The following TNMD variants were observed in gnomAD, a reference collection of about 807,000 sequenced individuals.
TNMD encodes the protein tenomodulin.
TNMD carries 15 observed loss-of-function variants against 26.9 expected under a neutral mutation model. The observed-to-expected ratio is 0.56, with a 90% CI of 0.37 to 0.86. TNMD has a LOEUF of 0.86. Among genes scored for constraint, TNMD ranks in the 40% least tolerant of loss-of-function variants. The pLI, the probability that TNMD is intolerant of heterozygous loss-of-function variation, is 0.00. For synonymous variants in TNMD, 73 were observed against 77.0 expected, an observed-to-expected ratio of 0.95 and a Z score of 0.27; for missense variants, 222 against 242.6, an observed-to-expected ratio of 0.92 and a Z score of 0.56.
At chrX:100,598,511 G>T (rs1315639165) in intron 5 of TNMD, among the ~76,000 whole-genome samples, 6 of 111,712 alleles carry the variant, frequency 5.4e-5, no homozygotes, top group African/African-American at 2.0e-4. Flanking sequence ...GTTATGTGAG[G>T]TAACATTAGG....
At chrX:100,593,527 G>T in intron 2 of TNMD, 2 of 259,670 alleles carry the variant, frequency 7.7e-6, no homozygotes, top group Non-Finnish European at 1.1e-5. Context: ...CATTTTAAGT[G>T]TATTCAAATC....
In TNMD at chrX:100,599,168, C is replaced by T; in HGVS notation, c.730C>T (p.Pro244Ser). ...HARQASEEELPINDYTENGIE... is the reference protein window; with the variant it reads ...HARQASEEELSINDYTENGIE... The stretch of plus-strand genomic sequence containing the variant: ...CAGACAAGCAAGTGAGGAAGAACTT[C>T]CAATAAATGACTATGTGAGTTATGT... Residue 244 changes from proline (P) to serine (S), a missense_variant, in exon 6 of 7, where the codon CCA (proline) becomes TCA (serine). Pro to Ser is a moderately conservative substitution (Grantham distance 74). Coordinates refer to ENST00000373031, the MANE Select transcript of TNMD (RefSeq NM_022144.3). 8.4e-7 allele frequency: 1 copy of T among 1,192,598 alleles called. No homozygotes were observed. The highest frequency in any genetic ancestry group is 2.3e-4 in the Middle Eastern group (1 of 4,271).
In TNMD at chrX:100,599,751, G is replaced by T. The variant is rs376130771; in HGVS notation, c.*34G>T. 9.1e-5 allele frequency: 105 copies of T among 1,157,638 alleles called. No individual in the cohort carries two copies. Among genetic ancestry groups the T allele is most frequent in the Non-Finnish European group, 1.2e-4 (99 of 851,849 alleles). Reference sequence around the variant, plus strand: ...TTGAGCTCAAATGCTTAAACTGCTGGCAACATATAATAAATGCATGCTATT... The same window carrying T: ...TTGAGCTCAAATGCTTAAACTGCTGTCAACATATAATAAATGCATGCTATT... On this transcript the variant is annotated 3_prime_UTR_variant, in exon 7 of 7. Transcript: ENST00000373031.
rs766280893 is a variant in TNMD at position 100,594,122 on chromosome X, T to C, written c.321+87T>C. 127 of 1,025,972 alleles carry C rather than the reference T, an allele frequency of 1.2e-4. No individual in the cohort carries two copies. The African/African-American group carries it at 2.3e-3, about 19-fold the overall frequency. 84.6% of individuals were successfully genotyped at this position (1,025,972 alleles called of 1,213,427 possible). ...TTAAAAATAGCCTCCATCTAAAATT[T>C]GAATTCAAATGGAAAGCTAGCCTCC... On this transcript the variant is annotated intron_variant, in intron 3 of 6. Transcript: ENST00000373031.
intron 2 of TNMD, among the ~76,000 whole-genome samples, chrX:100,585,859 T>G (rs2082920749): frequency 1.8e-5 from 2 of 112,425 alleles, no homozygotes; most frequent in Admixed American, 9.4e-5. Context: ...ATACCTGACT[T>G]CACATTTATT....
At chrX:100,586,370 G>A (rs977788114) in intron 2 of TNMD, among the ~76,000 whole-genome samples, 2 of 111,574 alleles carry the variant, frequency 1.8e-5, no homozygotes, top group African/African-American at 6.5e-5. Context: ...CAGGAAGGAG[G>A]ATGATACAAG....
chrX:100,599,009 A>G lies in TNMD; in HGVS notation c.578-7A>G, dbSNP rs765549427. 9.3e-6 allele frequency: 11 copies of G among 1,186,641 alleles called. No homozygotes were observed. The highest frequency in any genetic ancestry group is 2.3e-4 in the Middle Eastern group (1 of 4,266). ...GTTGCATCACAACTTTGCATTTATTATCTTAGTTTCTGAGTTACAAGACTT... is the reference window on the plus strand; with the variant it reads ...GTTGCATCACAACTTTGCATTTATTGTCTTAGTTTCTGAGTTACAAGACTT... On this transcript the variant is annotated splice_region_variant and splice_polypyrimidine_tract_variant and intron_variant, in intron 5 of 6. Coordinates refer to ENST00000373031, the MANE Select transcript of TNMD (RefSeq NM_022144.3).
intron 3 of TNMD, 72 bp downstream of exon 3, chrX:100,594,107 C>A: frequency 9.4e-7 from 1 of 1,063,551 alleles, no homozygotes; most frequent in Non-Finnish European, 1.3e-6. Context: ...TTAAAAATAG[C>A]CTCCATCTAA....
intron 4 of TNMD, 48 bp from the exon 5 acceptor site, chrX:100,597,456 T>C (rs1235058862): frequency 1.8e-5 from 21 of 1,179,377 alleles, no homozygotes; most frequent in Non-Finnish European, 2.4e-5. Context: ...TCACTTGTTC[T>C]ACTAATTTCT....
At chrX:100,598,759 G>A (rs1167888605) in intron 5 of TNMD, among the ~76,000 whole-genome samples, 1 of 112,279 alleles carries the variant, frequency 8.9e-6, no homozygotes, top group Non-Finnish European at 1.9e-5. Context: ...TTTTAATTTA[G>A]TGTGCTATTA....
chrX:100,585,372 T>C lies in TNMD; in HGVS notation c.180+10T>C. 3 of 1,205,182 alleles carry C rather than the reference T, an allele frequency of 2.5e-6. No homozygotes were observed. The highest frequency in any genetic ancestry group is 3.4e-6 in the Non-Finnish European group (3 of 892,298). On this transcript the variant is annotated intron_variant, in intron 2 of 6. Transcript: ENST00000373031. ...GGAGGTACCCAAAAAAGTAAGTAAA[T>C]ACACATCATAATCTGATGCTTCTGT...
chrX:100,598,676 A>C (rs1295162918), intron 5 of TNMD, among the ~76,000 whole-genome samples: 1 of 112,660 alleles, frequency 8.9e-6, no homozygotes, highest in African/African-American at 3.2e-5. Flanking sequence ...TCAGGCAACC[A>C]AGAAATATTT....
In TNMD at chrX:100,584,940, G is replaced by C; in HGVS notation, c.-79G>C. 1 of 980,849 alleles carries C rather than the reference G, an allele frequency of 1.0e-6. No individual in the cohort carries two copies. Among genetic ancestry groups the C allele is most frequent in the South Asian group, 2.3e-5 (1 of 43,510 alleles). 80.8% of individuals were successfully genotyped at this position (980,849 alleles called of 1,213,427 possible). ...GCTTCTCCTCTGGCATCTGTTAGCC[G>C]ACTCACTTGCAACTCCACCTCAGCA... is the stretch of plus-strand genomic sequence containing the variant. On this transcript the variant is annotated 5_prime_UTR_variant, in exon 1 of 7. Coordinates refer to ENST00000373031, the MANE Select transcript of TNMD (RefSeq NM_022144.3).
chrX:100,585,729 C>G, intron 2 of TNMD, among the ~76,000 whole-genome samples: 1 of 111,792 alleles, frequency 8.9e-6, no homozygotes, highest in East Asian at 2.8e-4. Context: ...GTAATTAGAC[C>G]ACCACATAAG....
At chrX:100,590,958 C>G (rs775794154) in intron 2 of TNMD, among the ~76,000 whole-genome samples, 1 of 111,572 alleles carries the variant, frequency 9.0e-6, no homozygotes, top group Non-Finnish European at 1.9e-5. Context: ...TTTAAACAGA[C>G]AAATATTCAT....
intron 2 of TNMD, among the ~76,000 whole-genome samples, chrX:100,586,925 C>T (rs972794505): frequency 1.8e-5 from 2 of 111,917 alleles, no homozygotes; most frequent in African/African-American, 6.5e-5. Flanking sequence ...CAAGTTGAAC[C>T]TTGGATCCTC....
intron 4 of TNMD, among the ~76,000 whole-genome samples, chrX:100,596,976 A>G (rs774086119): frequency 8.9e-6 from 1 of 112,252 alleles, no homozygotes; most frequent in East Asian, 2.8e-4. Flanking sequence ...CTTTTGTACT[A>G]TAACTAGCTA....
intron 4 of TNMD, among the ~76,000 whole-genome samples, chrX:100,596,485 G>GTT (rs1257595776): frequency 1.8e-5 from 2 of 110,995 alleles, no homozygotes; most frequent in African/African-American, 6.6e-5. Flanking sequence ...AGTAAATCTT[G>GTT]TTTTTTATAT....
chrX:100,585,461 T>A, intron 2 of TNMD, 99 bp downstream of exon 2: 1 of 900,578 alleles, frequency 1.1e-6, no homozygotes. Context: ...AATCATTAAG[T>A]CTCTTTTGTG....
Sources: allele counts gnomAD v4.1 joint callset (sites outside exome capture counted in the v4.1 genomes callset), GRCh38; gene constraint gnomAD v4.1.1; transcripts MANE v1.5; gene names NCBI Gene and HGNC (gene_info 2026-07-23, HGNC 2026-07-21).